Variants in STYXL2 observed in about 807,000 individuals in gnomAD.
STYXL2 encodes serine/threonine/tyrosine interacting like 2, also known as serine/threonine/tyrosine-interacting-like protein 2.
A neutral mutation model predicts 52.4 loss-of-function variants in STYXL2; 44 were observed. That is an observed-to-expected ratio of 0.84 (90% CI 0.66 to 1.08). STYXL2 has a LOEUF of 1.08. STYXL2 is among the 50% of genes least tolerant of loss of function. STYXL2 has a pLI of 0.00. For missense variants in STYXL2, 1,604 were observed against 1,471.7 expected, an observed-to-expected ratio of 1.09 and a Z score of -1.47; for synonymous variants, 604 against 586.9, an observed-to-expected ratio of 1.03 and a Z score of -0.42.
At position 167,125,927 on chromosome 1, in the gene STYXL2, G is replaced by A; in HGVS notation, c.796G>A (p.Gly266Ser). 10 of 1,614,064 alleles carry A rather than the reference G, an allele frequency of 6.2e-6. No homozygotes were observed. Among genetic ancestry groups the A allele is most frequent in the Non-Finnish European group, 8.5e-6 (10 of 1,180,014 alleles). Residue 266 changes from glycine (G) to serine (S), a missense_variant, in exon 6 of 6, where the codon GGC (glycine) becomes AGC (serine). Gly to Ser is a moderately conservative substitution (Grantham distance 56). Transcript: ENST00000361200. ...GAAGCGGGCCATCTACCCCAATGAG[G>A]GCTTCCTGAAGCAGCTGCGGGAGCT... ...RKKRAIYPNE[G>S]FLKQLRELNE... is the part of the protein sequence containing the mutation.
chr1:167,128,659 G>A lies in STYXL2; in HGVS notation c.*51G>A. 1.9e-6 allele frequency: 3 copies of A among 1,549,620 alleles called. No individual in the cohort carries two copies. The highest frequency in any genetic ancestry group is 8.6e-7 in the Non-Finnish European group (1 of 1,156,618). The stretch of plus-strand genomic sequence containing the variant: ...AAGAAACCACTCACGTTAGCATAGG[G>A]CTCAGGGCACACGTTGCCACCACTC... On this transcript the variant is annotated 3_prime_UTR_variant, in exon 6 of 6. Coordinates refer to ENST00000361200, the MANE Select transcript of STYXL2 (RefSeq NM_001080426.3).
chr1:167,123,370 A>G (rs1667897625), intron 5 of STYXL2, among the ~76,000 whole-genome samples: 1 of 152,162 alleles, frequency 6.6e-6, no homozygotes, highest in Non-Finnish European at 1.5e-5. Context: ...CGCCAGACTG[A>G]GTCTAAGTAG....
chr1:167,112,620 T>A (rs1003464435), intron 2 of STYXL2, among the ~76,000 whole-genome samples: 1 of 152,190 alleles, frequency 6.6e-6, no homozygotes, highest in Non-Finnish European at 1.5e-5. Context: ...CCTGTTCTAA[T>A]CTAAATGGTA....
chr1:167,126,435 G>A lies in STYXL2; in HGVS notation c.1304G>A (p.Ser435Asn), dbSNP rs1348407209. 3 of 1,571,546 alleles carry A rather than the reference G, an allele frequency of 1.9e-6. 1 individual carries two copies. Among genetic ancestry groups the A allele is most frequent in the East Asian group, 2.3e-5 (1 of 42,620 alleles). ...GTGGGGAGGCGGCGGCGCACCCTGAGCGAGAGCAGCGCCTGGGAGAGCGTG... is the reference window on the plus strand; with the variant it reads ...GTGGGGAGGCGGCGGCGCACCCTGAACGAGAGCAGCGCCTGGGAGAGCGTG... Reference protein sequence around the residue: ...SSVGRRRRTLSESSAWESVSS... With the variant: ...SSVGRRRRTLNESSAWESVSS... The change falls in exon 6 of 6, where the codon AGC becomes AAC. Residue 435 changes from serine to asparagine, a missense_variant. Physicochemically the swap from Ser to Asn is conservative, Grantham distance 46. Coordinates refer to ENST00000361200, the MANE Select transcript of STYXL2 (RefSeq NM_001080426.3).
At position 167,114,326 on chromosome 1, in the gene STYXL2, A is replaced by G. The variant is rs115646546; in HGVS notation, c.205+522A>G. Among the ~76,000 whole-genome samples, 575 of 152,360 alleles carry G rather than the reference A, an allele frequency of 3.8e-3. 7 individuals are homozygous for G. The highest frequency in any genetic ancestry group is 0.013 in the African/African-American group (531 of 41,578). The stretch of plus-strand genomic sequence containing the variant: ...ACAACATATAGTTATTTTTCACTCA[A>G]AGATACTTATCTGGATTAGATGAAT... On this transcript the variant is annotated intron_variant, in intron 3 of 5. Transcript: ENST00000361200.
At chr1:167,113,090 AC>A (rs1338696958) in intron 2 of STYXL2, among the ~76,000 whole-genome samples, 1 of 152,036 alleles carries the variant, frequency 6.6e-6, no homozygotes, top group East Asian at 1.9e-4. Context: ...CATGACATTT[AC>A]CCAAGTTACT....
In STYXL2 at chr1:167,117,405, G is replaced by C. The variant is rs1667750473; in HGVS notation, c.283G>C (p.Asp95His). 6.2e-7 allele frequency: 1 copy of C among 1,612,718 alleles called. No homozygotes were observed. Residue 95 changes from aspartate (D) to histidine (H), a missense_variant, in exon 4 of 6, where the codon GAC becomes CAC. By Grantham distance (81) the Asp-to-His change is moderately conservative. Transcript: ENST00000361200. ...GTCTGCTGAACAGCTGCTGGTGGAGGACCTGTACAACCGCGTCAGGGAGAA... is the reference window on the plus strand; with the variant it reads ...GTCTGCTGAACAGCTGCTGGTGGAGCACCTGTACAACCGCGTCAGGGAGAA... ...LESAEQLLVE[D>H]LYNRVREKMD...
intron 2 of STYXL2, among the ~76,000 whole-genome samples, chr1:167,102,252 T>C (rs931198057): frequency 1.1e-4 from 17 of 152,042 alleles, no homozygotes; most frequent in African/African-American, 3.9e-4. Flanking sequence ...TCAAATCTTG[T>C]ATATTTTAAA....
intron 2 of STYXL2, among the ~76,000 whole-genome samples, chr1:167,103,704 AG>A (rs1162499808): frequency 2.6e-5 from 4 of 152,192 alleles, no homozygotes; most frequent in Non-Finnish European, 4.4e-5. Context: ...AATTTCCCTA[AG>A]TGATTCATGA....
chr1:167,117,667 C>T, intron 4 of STYXL2, 108 bp downstream of exon 4: 1 of 982,158 alleles, frequency 1.0e-6, no homozygotes, highest in South Asian at 1.7e-5. Context: ...GTCCATCCAG[C>T]ACAATGAGGC....
chr1:167,100,250 G>A (rs534485747), intron 2 of STYXL2, among the ~76,000 whole-genome samples: 2 of 152,352 alleles, frequency 1.3e-5, no homozygotes, highest in South Asian at 4.2e-4. Context: ...CATGAGAAAA[G>A]CATTCCTCTC....
intron 2 of STYXL2, among the ~76,000 whole-genome samples, chr1:167,103,283 A>G (rs1398583706): frequency 6.6e-6 from 1 of 152,170 alleles, no homozygotes; most frequent in South Asian, 2.1e-4. Flanking sequence ...TTACATTCCC[A>G]GGTTTTGGAA....
At chr1:167,103,248 G>A (rs1217973868) in intron 2 of STYXL2, among the ~76,000 whole-genome samples, 1 of 152,110 alleles carries the variant, frequency 6.6e-6, no homozygotes, top group African/African-American at 2.4e-5. Context: ...AATTACTCCT[G>A]CAATGATCCT....
chr1:167,114,816 G>C (rs1667693221), intron 3 of STYXL2, among the ~76,000 whole-genome samples: 2 of 151,692 alleles, frequency 1.3e-5, no homozygotes, highest in African/African-American at 2.4e-5. Flanking sequence ...AAGATATCTT[G>C]TCCCAAGATA....
chr1:167,114,023 A>T (rs1302902005), intron 3 of STYXL2, among the ~76,000 whole-genome samples: 1 of 152,196 alleles, frequency 6.6e-6, no homozygotes, highest in Non-Finnish European at 1.5e-5. Context: ...ACAACCAGAG[A>T]GGCAGCACCA....
rs147984461 is a variant in STYXL2 at position 167,108,990 on chromosome 1, A to C, written c.111-4720A>C. Among the ~76,000 whole-genome samples the C allele has an allele frequency of 2.8e-3, 424 of 152,260 alleles. 3 individuals are homozygous for C. Among genetic ancestry groups the C allele is most frequent in the African/African-American group, 6.4e-3 (266 of 41,524 alleles). ...GCTGAGAAACATATAAAAGTAGAAG[A>C]AGCAGCAGGAAGAGCCCTGTAAGCA... On this transcript the variant is annotated intron_variant, in intron 2 of 5. Transcript: ENST00000361200.
intron 2 of STYXL2, among the ~76,000 whole-genome samples, chr1:167,099,606 AAC>A (rs745444803): frequency 1.9e-4 from 29 of 152,242 alleles, no homozygotes; most frequent in Non-Finnish European, 4.0e-4. Context: ...GAATATCTCA[AAC>A]TAAATACCAA....
At position 167,125,893 on chromosome 1, in the gene STYXL2, C is replaced by A. The variant is rs773454840; in HGVS notation, c.762C>A (p.Thr254=). Residue 254 remains threonine (T), a synonymous_variant, in exon 6 of 6, where the codon ACC becomes ACA. Transcript: ENST00000361200. ...TGGCCATCCTGGAGGCTTTGATGAC[C>A]GTGCGTAAGAAGCGGGCCATCTACC... The part of the protein sequence containing the change: ...HNMAILEALM[T]VRKKRAIYPN... The A allele has an allele frequency of 6.2e-7, 1 of 1,614,074 alleles. No homozygotes were observed. Among genetic ancestry groups the A allele is most frequent in the Non-Finnish European group, 8.5e-7 (1 of 1,180,008 alleles).
At chr1:167,108,903 C>A (rs1667560140) in intron 2 of STYXL2, among the ~76,000 whole-genome samples, 1 of 152,136 alleles carries the variant, frequency 6.6e-6, no homozygotes, top group African/African-American at 2.4e-5. Flanking sequence ...ACTGGGGAAC[C>A]TGAAAATCCA....
Sources: allele counts gnomAD v4.1 joint callset (sites outside exome capture counted in the v4.1 genomes callset), GRCh38; gene constraint gnomAD v4.1.1; transcripts MANE v1.5; gene names NCBI Gene and HGNC (gene_info 2026-07-23, HGNC 2026-07-21).